CNTFR: variants seen among roughly 807,000 people sequenced by gnomAD.
The protein encoded by CNTFR is ciliary neurotrophic factor receptor.
CNTFR carries 12 observed loss-of-function variants against 40.4 expected under a neutral mutation model. The ratio of observed to expected loss-of-function variants is 0.30; its 90% confidence interval spans 0.19 to 0.48. The LOEUF is 0.48. CNTFR is among the 20% of genes least tolerant of loss of function. CNTFR has a pLI of 0.99. For missense variants in CNTFR, 414 were observed against 506.8 expected (o/e 0.82, Z 1.76); for synonymous variants, 202 against 209.6 (o/e 0.96, Z 0.31).
At chr9:34,561,918 T>C (rs1374737149) in intron 4 of CNTFR, among the ~76,000 whole-genome samples, 1 of 152,236 alleles carries the variant, frequency 6.6e-6, no homozygotes, top group African/African-American at 2.4e-5. Flanking sequence ...TGGCCAGCCT[T>C]CATCTGGCAG....
At chr9:34,563,060 C>T (rs1003877228) in intron 4 of CNTFR, among the ~76,000 whole-genome samples, 3 of 152,034 alleles carry the variant, frequency 2.0e-5, no homozygotes, top group African/African-American at 7.2e-5. Flanking sequence ...ATGCTGACAA[C>T]CCCCCACAAA....
intron 6 of CNTFR, among the ~76,000 whole-genome samples, chr9:34,556,721 T>A (rs545515080): frequency 2.0e-5 from 3 of 152,166 alleles, no homozygotes; most frequent in Non-Finnish European, 4.4e-5. Context: ...CATACTGACC[T>A]GCATCCCAGT....
chr9:34,559,743 C>T lies in CNTFR; in HGVS notation c.320-1759G>A, dbSNP rs934159516. On this transcript the variant is annotated intron_variant, in intron 4 of 9. Transcript: ENST00000378980. ...GGTCGGCCGAGAAGCCTCCACTCCCCGCTCCTGCCACCGCTGGGGGTGGGG... is the reference window on the plus strand; with the variant it reads ...GGTCGGCCGAGAAGCCTCCACTCCCTGCTCCTGCCACCGCTGGGGGTGGGG... Among the ~76,000 whole-genome samples the T allele has an allele frequency of 2.0e-5, 3 of 152,048 alleles. No individual in the cohort carries two copies. In the South Asian group the frequency reaches 6.2e-4, roughly 32 times the overall value.
intron 2 of CNTFR, chr9:34,580,063 C>T (rs1827207173): frequency 6.6e-6 from 1 of 152,114 alleles, no homozygotes; most frequent in Admixed American, 6.5e-5. Context: ...TGCAGGGAGC[C>T]CATTCTTTCC....
At chr9:34,554,413 C>T (rs1825755133) in intron 7 of CNTFR, among the ~76,000 whole-genome samples, 2 of 152,304 alleles carry the variant, frequency 1.3e-5, no homozygotes, top group African/African-American at 4.8e-5. Context: ...CCCAGGAGGT[C>T]AGTGCTCTCC....
chr9:34,587,973 C>G (rs935031780), intron 1 of CNTFR, among the ~76,000 whole-genome samples: 4 of 152,130 alleles, frequency 2.6e-5, no homozygotes, highest in Non-Finnish European at 5.9e-5. Context: ...AAGTGTCAGT[C>G]CATATGAATG....
At chr9:34,565,793 GA>G (rs1826258800) in intron 3 of CNTFR, among the ~76,000 whole-genome samples, 1 of 152,158 alleles carries the variant, frequency 6.6e-6, no homozygotes. Flanking sequence ...ACAGATTTAA[GA>G]TGCAGGCACA....
intron 2 of CNTFR, among the ~76,000 whole-genome samples, chr9:34,574,035 G>C (rs1268053019): frequency 6.6e-6 from 1 of 152,180 alleles, no homozygotes; most frequent in Non-Finnish European, 1.5e-5. Flanking sequence ...AGGGAGGAGG[G>C]GCTGAGGCTG....
chr9:34,564,455 G>A (rs1826193935), intron 4 of CNTFR, 144 bp downstream of exon 4: 5 of 796,754 alleles, frequency 6.3e-6, no homozygotes, highest in Non-Finnish European at 1.0e-5. Flanking sequence ...AGAAGAGCGG[G>A]CCAGGACAAA....
Position 34,557,796 on chromosome 9 carries a change from G to A in CNTFR, c.437+71C>T, listed in dbSNP as rs923328999. 9 of 1,552,534 alleles carry A rather than the reference G, an allele frequency of 5.8e-6. No individual in the cohort carries two copies. The highest frequency in any genetic ancestry group is 2.3e-5 in the South Asian group (2 of 85,308). On this transcript the variant is annotated intron_variant, in intron 5 of 9. Coordinates refer to ENST00000378980, the MANE Select transcript of CNTFR (RefSeq NM_147164.3). The surrounding 1 kb of genome is among the most constrained non-coding windows in gnomAD (Gnocchi z 4.2). ...AAGGCAGGGCTGGGGTATGGACAGA[G>A]GGCATGGTGGTGGGATGGGGGAGAG...
intron 7 of CNTFR, among the ~76,000 whole-genome samples, chr9:34,555,544 T>C (rs1228075374): frequency 3.9e-5 from 6 of 152,054 alleles, no homozygotes; most frequent in Non-Finnish European, 8.8e-5. Context: ...GAGCTCTCTA[T>C]TGTAGCTTGA....
rs952315162 is a variant in CNTFR at position 34,557,333 on chromosome 9, C to T, written c.604+193G>A. 2.6e-5 allele frequency among the ~76,000 whole-genome samples: 4 copies of T among 152,166 alleles called. No homozygotes were observed. Among genetic ancestry groups the T allele is most frequent in the African/African-American group, 4.8e-5 (2 of 41,420 alleles). On this transcript the variant is annotated intron_variant, in intron 6 of 9. Transcript: ENST00000378980. This position sits in a 1 kb window ranked among gnomAD's most constrained non-coding sequence, Gnocchi z 4.2. ...GTCTCTCGGCCCTTCAGGTAAAGGA[C>T]ATTCACTTACACGTTCACAGGTGTA...
intron 3 of CNTFR, chr9:34,568,250 T>C (rs1826399945): frequency 1.3e-5 from 2 of 152,258 alleles, no homozygotes; most frequent in Admixed American, 1.3e-4. Context: ...TAAGAGGGCC[T>C]CTGTTAACAC....
chr9:34,552,736 G>A lies in CNTFR; in HGVS notation c.887C>T (p.Ala296Val). 1 of 1,613,892 alleles carries A rather than the reference G, an allele frequency of 6.2e-7. No homozygotes were observed. The highest frequency in any genetic ancestry group is 8.5e-7 in the Non-Finnish European group (1 of 1,179,966). ...CTCAGTCCAGGGCGTAGCGTGGGCG[G>A]CTACGCTCCAGTCACTCCATGTCCC... ...EIGTWSDWSV[A>V]AHATPWTEEP... The change falls in exon 8 of 10, where the codon GCC becomes GTC. Residue 296 changes from alanine (A) to valine (V), a missense_variant. Around this residue, in one of 3 missense-constraint regions of CNTFR, gnomAD observed 83 missense variants for 145.0 expected, o/e 0.57. Coordinates refer to ENST00000378980, the MANE Select transcript of CNTFR (RefSeq NM_147164.3). This position sits in a 1 kb window ranked among gnomAD's most constrained non-coding sequence, Gnocchi z 5.1.
intron 4 of CNTFR, among the ~76,000 whole-genome samples, chr9:34,562,116 TCA>T (rs1393771454): frequency 6.6e-6 from 1 of 152,188 alleles, no homozygotes; most frequent in Non-Finnish European, 1.5e-5. Flanking sequence ...GGCCCAGCCA[TCA>T]CAGTCAGTCT....
Position 34,556,362 on chromosome 9 carries a change from G to A in CNTFR, c.661C>T (p.Arg221Trp), listed in dbSNP as rs759606419. 1.7e-5 allele frequency: 28 copies of A among 1,613,812 alleles called. No homozygotes were observed. Among genetic ancestry groups the A allele is most frequent in the South Asian group, 6.6e-5 (6 of 91,072 alleles). Reference sequence around the variant, plus strand: ...GGGGTCTGCCACGTCACCTCCAGCCGGCGAGGGTTGCTGGGCACTGGCCGG... The same window carrying A: ...GGGGTCTGCCACGTCACCTCCAGCCAGCGAGGGTTGCTGGGCACTGGCCGG... ...VARPVPSNPR[R>W]LEVTWQTPST... Residue 221 changes from arginine (R) to tryptophan (W), a missense_variant, in exon 7 of 10, where the codon CGG (arginine) becomes TGG (tryptophan). Arg to Trp is a moderately radical substitution (Grantham distance 101). Transcript: ENST00000378980.
intron 3 of CNTFR, 112 bp downstream of exon 3, chr9:34,568,785 G>A (rs1826430708): frequency 2.1e-6 from 2 of 944,088 alleles, no homozygotes; most frequent in African/African-American, 1.6e-5. Context: ...GTGGTCATGT[G>A]TGACAATGCC....
chr9:34,555,194 G>A (rs1335922250), intron 7 of CNTFR, among the ~76,000 whole-genome samples: 1 of 152,228 alleles, frequency 6.6e-6, no homozygotes, highest in Non-Finnish European at 1.5e-5. Flanking sequence ...TGCATTAGGC[G>A]CGGGCAGCTG....
At chr9:34,575,687 C>CCACA (rs1253934742) in intron 2 of CNTFR, among the ~76,000 whole-genome samples, 13 of 142,264 alleles carry the variant, frequency 9.1e-5, no homozygotes, top group Non-Finnish European at 7.7e-5. Flanking sequence ...ACCCACCCAC[C>CCACA]CACACACACA....
Sources: allele counts gnomAD v4.1 joint callset (sites outside exome capture counted in the v4.1 genomes callset), GRCh38; gene constraint gnomAD v4.1.1; regional missense constraint gnomAD v4.1.1; non-coding constraint Gnocchi (gnomAD v3.1); transcripts MANE v1.5; gene names NCBI Gene and HGNC (gene_info 2026-07-23, HGNC 2026-07-21).